GRB10: variants seen among roughly 807,000 people sequenced by gnomAD.
The protein encoded by GRB10 is growth factor receptor-bound protein 10.
A neutral mutation model predicts 80.9 loss-of-function variants in GRB10; 20 were observed. That is an observed-to-expected ratio of 0.25 (90% CI 0.17 to 0.36). GRB10 has a LOEUF of 0.36. GRB10 is among the 10% of genes least tolerant of loss of function. GRB10 has a pLI of 1.00. For missense variants in GRB10, 548 were observed against 747.7 expected (o/e 0.73, Z 3.12); for synonymous variants, 291 against 291.5 (o/e 1.00, Z 0.02).
intron 4 of GRB10, among the ~76,000 whole-genome samples, chr7:50,728,634 C>T (rs1248986305): frequency 1.3e-5 from 2 of 152,138 alleles, no homozygotes; most frequent in Non-Finnish European, 2.9e-5. Context: ...GAAGCAGCCA[C>T]AGACAATACA....
At chr7:50,646,652 T>C (rs372318252) in intron 7 of GRB10, among the ~76,000 whole-genome samples, 1 of 152,204 alleles carries the variant, frequency 6.6e-6, no homozygotes. Flanking sequence ...CCGCAAATTG[T>C]CACGCCCTGA....
intron 6 of GRB10, among the ~76,000 whole-genome samples, chr7:50,672,959 C>T (rs1194811056): frequency 6.6e-6 from 1 of 152,122 alleles, no homozygotes; most frequent in Non-Finnish European, 1.5e-5. Flanking sequence ...AGTGAGAAGT[C>T]GGAGGGGAAG....
chr7:50,766,372 GCAGCTTCTGGAAATACTGAAAGA>G (rs2076339403), intron 2 of GRB10, among the ~76,000 whole-genome samples: 1 of 152,060 alleles, frequency 6.6e-6, no homozygotes, highest in Non-Finnish European at 1.5e-5. Flanking sequence ...TTCTATACAG[GCAGCTTCTGGAAATACTGAAAGA>G]CTTTGCCCTT....
chr7:50,706,211 T>A (rs1391113195), intron 4 of GRB10, among the ~76,000 whole-genome samples: 1 of 152,236 alleles, frequency 6.6e-6, no homozygotes, highest in African/African-American at 2.4e-5. Flanking sequence ...GAAGTGAGAT[T>A]GTGTAAATAA....
chr7:50,601,587 A>T (rs1404609483), intron 17 of GRB10, among the ~76,000 whole-genome samples: 1 of 152,226 alleles, frequency 6.6e-6, no homozygotes, highest in Non-Finnish European at 1.5e-5. Flanking sequence ...TAATATTTTC[A>T]AGATATTACA....
At chr7:50,675,253 G>A (rs1426244977) in intron 5 of GRB10, among the ~76,000 whole-genome samples, 1 of 152,240 alleles carries the variant, frequency 6.6e-6, no homozygotes, top group African/African-American at 2.4e-5. Flanking sequence ...TGGCCAGAGT[G>A]CAGAAGGAAG....
rs1425163543 is a variant in GRB10 at position 50,788,594 on chromosome 7, C to T, written c.-294+4630G>A. On this transcript the variant is annotated intron_variant, in intron 1 of 16. Coordinates refer to the GRB10 transcript ENST00000335866. ...ACCTTAATGACACAATGATGAGGAC[C>T]AACACACGCCAAAGTGCCAAGTACT... Among the ~76,000 whole-genome samples the T allele has an allele frequency of 2.6e-5, 4 of 152,188 alleles. No homozygotes were observed. In the East Asian group the frequency reaches 7.7e-4, roughly 29 times the overall value.
intron 5 of GRB10, among the ~76,000 whole-genome samples, chr7:50,680,375 A>G (rs191320339): frequency 8.2e-4 from 125 of 152,372 alleles, no homozygotes; most frequent in African/African-American, 3.0e-3. Context: ...CTCACAAAAG[A>G]CAAGGGGAAC....
intron 7 of GRB10, among the ~76,000 whole-genome samples, chr7:50,628,551 C>T (rs2529394): frequency 0.89 from 134,822 of 150,718 alleles, 60,671 homozygotes; most frequent in African/African-American, 0.98. Context: ...TCACTCAAGC[C>T]TGAGTGCCCA....
At chr7:50,633,677 GAA>G (rs1324401025) in intron 7 of GRB10, among the ~76,000 whole-genome samples, 1 of 145,932 alleles carries the variant, frequency 6.9e-6, no homozygotes, top group African/African-American at 2.6e-5. Flanking sequence ...TTCTGGAGAT[GAA>G]AGATGAGATA....
chr7:50,605,278 C>T lies in GRB10; in HGVS notation c.1389+12G>A. On this transcript the variant is annotated intron_variant, in intron 15 of 18. Transcript: ENST00000401949. ...GGGTGCCCCTCCAGGCTGGCCAGGG[C>T]CGGGGCCTTACCCTCCAGGCGTGGC... is the stretch of plus-strand genomic sequence containing the variant. The T allele has an allele frequency of 6.3e-7, 1 of 1,599,944 alleles. No individual in the cohort carries two copies. The highest frequency in any genetic ancestry group is 8.6e-7 in the Non-Finnish European group (1 of 1,168,678).
chr7:50,756,151 T>G (rs948898660), intron 2 of GRB10, 95 bp from the exon 3 acceptor site: 56 of 398,012 alleles, frequency 1.4e-4, no homozygotes, highest in East Asian at 1.2e-3. Flanking sequence ...AAAACAGACA[T>G]GAAAGAATAT....
chr7:50,604,817 C>G, intron 15 of GRB10: 1 of 302,146 alleles, frequency 3.3e-6, no homozygotes, highest in Non-Finnish European at 6.3e-6. Flanking sequence ...TGCACATGGC[C>G]TTTAAGTCTC....
chr7:50,754,707 G>A (rs1263769906), intron 3 of GRB10, among the ~76,000 whole-genome samples: 1 of 152,228 alleles, frequency 6.6e-6, no homozygotes, highest in Non-Finnish European at 1.5e-5. Context: ...TACCAAGGGT[G>A]TGGATATGAG....
chr7:50,773,847 ATTTG>A (rs144910593), intron 2 of GRB10, among the ~76,000 whole-genome samples: 1,804 of 152,286 alleles, frequency 0.012, 27 homozygotes, highest in African/African-American at 0.04. Context: ...AAGGGAATTT[ATTTG>A]TTTGTTTATT....
At chr7:50,675,512 G>A (rs1249526766) in intron 5 of GRB10, among the ~76,000 whole-genome samples, 1 of 152,206 alleles carries the variant, frequency 6.6e-6, no homozygotes, top group Non-Finnish European at 1.5e-5. Context: ...CAGACTTTGA[G>A]TAAAGCAGAT....
chr7:50,721,038 TA>T (rs763559556), intron 4 of GRB10, among the ~76,000 whole-genome samples: 3 of 152,254 alleles, frequency 2.0e-5, no homozygotes, highest in Non-Finnish European at 4.4e-5. Context: ...AAAAGTTTCA[TA>T]AATTGTTAAC....
intron 7 of GRB10, among the ~76,000 whole-genome samples, chr7:50,643,247 T>C (rs1369948793): frequency 1.3e-5 from 2 of 152,052 alleles, no homozygotes; most frequent in Admixed American, 6.5e-5. Flanking sequence ...CAATCCCCCA[T>C]GTACACTGGG....
chr7:50,703,763 C>G (rs956237705), intron 5 of GRB10, 58 bp downstream of exon 5: 1 of 1,175,302 alleles, frequency 8.5e-7, no homozygotes, highest in Non-Finnish European at 1.3e-6. Context: ...AATATCAGAT[C>G]TGGGCACTGC....
Sources: allele counts gnomAD v4.1 joint callset (sites outside exome capture counted in the v4.1 genomes callset), GRCh38; gene constraint gnomAD v4.1.1; transcripts MANE v1.5; gene names NCBI Gene and HGNC (gene_info 2026-07-23, HGNC 2026-07-21).